The following MEST variants were observed in gnomAD, a reference collection of about 807,000 sequenced individuals.
MEST encodes the protein mesoderm specific transcript.
In MEST, 18 loss-of-function variants were observed where a neutral mutation model predicts 50.9. That is an observed-to-expected ratio of 0.35 (90% confidence interval 0.24 to 0.52). MEST has a LOEUF of 0.52. MEST is among the 20% of genes least tolerant of loss of function. The pLI, the probability that MEST is intolerant of heterozygous loss-of-function variation, is 0.94. For missense variants in MEST, 282 were observed against 425.3 expected, an observed-to-expected ratio of 0.66 and a Z score of 2.96; for synonymous variants, 130 against 154.1, an observed-to-expected ratio of 0.84 and a Z score of 1.16.
In MEST at chr7:130,502,694, G is replaced by A. The variant is rs782297066; in HGVS notation, c.800G>A (p.Gly267Glu). The A allele has an allele frequency of 6.8e-6, 11 of 1,613,796 alleles. No individual in the cohort carries two copies. The highest frequency in any genetic ancestry group is 9.3e-6 in the Non-Finnish European group (11 of 1,179,796). ...AAGAAGTTCAGAAGGCGCTGGGTGG[G>A]AGCTCTTGCCTCTGTAACTATCCCC... The part of the protein sequence containing the change: ...QRKKFRRRWV[G>E]ALASVTIPIH... The change falls in exon 10 of 12, where the codon GGA becomes GAA. Residue 267 changes from glycine (G) to glutamate (E), a missense_variant. Coordinates refer to ENST00000223215, the MANE Select transcript of MEST (RefSeq NM_002402.4).
chr7:130,496,205 A>G (rs1554436931), intron 2 of MEST: 3 of 457,410 alleles, frequency 6.6e-6, no homozygotes, highest in South Asian at 3.2e-5. Flanking sequence ...GCTATATTCA[A>G]TTAAGTAAGT....
intron 6 of MEST, chr7:130,498,940 CCTTA>C (rs1482584286): frequency 1.2e-5 from 2 of 160,458 alleles, no homozygotes; most frequent in African/African-American, 4.8e-5. Context: ...TGTAGAAAAT[CCTTA>C]CTTAATGTCA....
chr7:130,494,020 T>C (rs1015966303), intron 1 of MEST, among the ~76,000 whole-genome samples: 1 of 152,122 alleles, frequency 6.6e-6, no homozygotes, highest in East Asian at 1.9e-4. Flanking sequence ...ACAGGTACTT[T>C]GGAGAAAAAA....
intron 6 of MEST, chr7:130,498,711 C>T (rs1185222621): frequency 3.4e-6 from 2 of 588,284 alleles, no homozygotes; most frequent in Admixed American, 6.1e-5. Context: ...AGTGACTTTA[C>T]TTACATAGTC....
intron 6 of MEST, among the ~76,000 whole-genome samples, chr7:130,499,007 A>AT (rs760382224): frequency 6.6e-5 from 10 of 152,132 alleles, no homozygotes; most frequent in East Asian, 1.9e-4. Context: ...AATGGAACCA[A>AT]TTTTTTTTCT....
At position 130,497,972 on chromosome 7, in the gene MEST, A is replaced by G; in HGVS notation, c.298A>G (p.Ile100Val). 1 of 1,614,176 alleles carries G rather than the reference A, an allele frequency of 6.2e-7. No homozygotes were observed. Among genetic ancestry groups the G allele is most frequent in the Non-Finnish European group, 8.5e-7 (1 of 1,180,040 alleles). ...EGLTLRFHRV[I>V]ALDFLGFGFS... Reference sequence around the variant, plus strand: ...TCTGACCTTGAGGTTTCATCGGGTGATTGCCCTTGATTTCTTAGGCTTTGG... The same window carrying G: ...TCTGACCTTGAGGTTTCATCGGGTGGTTGCCCTTGATTTCTTAGGCTTTGG... The change falls in exon 4 of 12, where the codon ATT (isoleucine) becomes GTT (valine). Residue 100 changes from isoleucine (I) to valine (V), a missense_variant. By Grantham distance (29) the Ile-to-Val change is conservative. Transcript: ENST00000223215. The surrounding 1 kb of genome is among the most constrained non-coding windows in gnomAD (Gnocchi z 4.0).
chr7:130,497,000 C>G, intron 2 of MEST, 156 bp from the exon 3 acceptor site: 2 of 539,390 alleles, frequency 3.7e-6, no homozygotes, highest in South Asian at 2.6e-5. Context: ...TCTCACCTAA[C>G]GCAGTTAAGC....
At position 130,506,214 on chromosome 7, in the gene MEST, ATTAGCAAC is replaced by A. The variant is rs782701024; in HGVS notation, c.*1161_*1168del. The A allele has an allele frequency of 1.3e-5, 2 of 152,442 alleles. No individual in the cohort carries two copies. The highest frequency in any genetic ancestry group is 2.4e-5 in the African/African-American group (1 of 41,402). The allele number at this position is 152,442 out of a possible 1,614,324, so 9.4% of individuals were successfully genotyped here. ...GATTATTTAAAATTCGTTTTTTTAAATTAGCAACTTCAAGTATAACAACTTTGAAACTG... is the reference window on the plus strand; with the variant it reads ...GATTATTTAAAATTCGTTTTTTTAAATTCAAGTATAACAACTTTGAAACTG... On this transcript the variant is annotated 3_prime_UTR_variant, in exon 12 of 12. Transcript: ENST00000223215.
rs1486609360 is a variant in MEST, at chr7:130,505,893, A to G, written c.*837A>G. ...AGCAAATAACAGTCTGAGACTCCTC[A>G]TACCTCAGTGGTTAGAAGCATGTCT... On this transcript the variant is annotated 3_prime_UTR_variant, in exon 12 of 12. Coordinates refer to ENST00000223215, the MANE Select transcript of MEST (RefSeq NM_002402.4). The G allele has an allele frequency of 1.3e-5, 2 of 152,286 alleles. No individual in the cohort carries two copies. The highest frequency in any genetic ancestry group is 2.9e-5 in the Non-Finnish European group (2 of 68,040). 9.4% of individuals were successfully genotyped at this position (152,286 alleles called of 1,614,324 possible).
rs1472119948 is a variant in MEST, at chr7:130,500,343, C to G, written c.577-119C>G. On this transcript the variant is annotated intron_variant, in intron 7 of 11. Coordinates refer to ENST00000223215, the MANE Select transcript of MEST (RefSeq NM_002402.4). This position sits in a 1 kb window ranked among gnomAD's most constrained non-coding sequence, Gnocchi z 5.0. The stretch of plus-strand genomic sequence containing the variant: ...GGTAGGCAAAACAAAATGCCAAGTA[C>G]CAAACCATTCAGTAGCAGGAGATTT... 7 of 843,370 alleles carry G rather than the reference C, an allele frequency of 8.3e-6. No homozygotes were observed. Among genetic ancestry groups the G allele is most frequent in the African/African-American group, 3.4e-5 (2 of 58,224 alleles). 52.2% of individuals were successfully genotyped at this position (843,370 alleles called of 1,614,324 possible).
At position 130,497,961 on chromosome 7, in the gene MEST, T is replaced by C; in HGVS notation, c.287T>C (p.Phe96Ser). 6.2e-7 allele frequency: 1 copy of C among 1,614,230 alleles called. No homozygotes were observed. The highest frequency in any genetic ancestry group is 8.5e-7 in the Non-Finnish European group (1 of 1,180,040). ...YKIWEGLTLR[F>S]HRVIALDFLG... is the part of the protein sequence containing the mutation. ...ATTTGGGAAGGTCTGACCTTGAGGT[T>C]TCATCGGGTGATTGCCCTTGATTTC... Residue 96 changes from phenylalanine to serine, a missense_variant, in exon 4 of 12, where the codon TTT becomes TCT. Transcript: ENST00000223215. This position sits in a 1 kb window ranked among gnomAD's most constrained non-coding sequence, Gnocchi z 4.0.
At position 130,500,796 on chromosome 7, in the gene MEST, C is replaced by G. The variant is rs781888139; in HGVS notation, c.655C>G (p.Pro219Ala). 7.5e-6 allele frequency: 12 copies of G among 1,610,566 alleles called. No individual in the cohort carries two copies. Among genetic ancestry groups the G allele is most frequent in the Middle Eastern group, 3.3e-4 (2 of 6,036 alleles). The change falls in exon 9 of 12, where the codon CCA becomes GCA. Residue 219 changes from proline (P) to alanine (A), a missense_variant. Coordinates refer to ENST00000223215, the MANE Select transcript of MEST (RefSeq NM_002402.4). The surrounding 1 kb of genome is among the most constrained non-coding windows in gnomAD (Gnocchi z 5.0). ...NFFVFSRGLT[P>A]VFGPYTRPSE... Reference sequence around the variant, plus strand: ...CGTTTTGGACTCTTTCAGTCTCACCCCAGTCTTTGGGCCGTATACTCGGCC... The same window carrying G: ...CGTTTTGGACTCTTTCAGTCTCACCGCAGTCTTTGGGCCGTATACTCGGCC...
intron 10 of MEST, 112 bp from the exon 11 acceptor site, chr7:130,503,821 T>C (rs989742675): frequency 7.5e-6 from 6 of 798,706 alleles, no homozygotes; most frequent in East Asian, 5.3e-5. Context: ...TTGCCTATTA[T>C]AATAAAAAAA....
intron 6 of MEST, among the ~76,000 whole-genome samples, chr7:130,499,509 T>C (rs1799197508): frequency 6.6e-6 from 1 of 152,236 alleles, no homozygotes; most frequent in Non-Finnish European, 1.5e-5. Flanking sequence ...TTCTCCCCGT[T>C]TCACTATCTT....
At position 130,497,003 on chromosome 7, in the gene MEST, A is replaced by G; in HGVS notation, c.182-153A>G. ...GAAAAGGCCTGTTCTCACCTAACGC[A>G]GTTAAGCTTACATTTTACAAATAAT... On this transcript the variant is annotated intron_variant, in intron 2 of 11. Transcript: ENST00000223215. The surrounding 1 kb of genome is among the most constrained non-coding windows in gnomAD (Gnocchi z 4.0). 1.8e-6 allele frequency: 1 copy of G among 556,706 alleles called. No homozygotes were observed. The highest frequency in any genetic ancestry group is 3.2e-6 in the Non-Finnish European group (1 of 311,466). 34.5% of individuals were successfully genotyped at this position (556,706 alleles called of 1,614,324 possible). A position where few individuals can be genotyped will look rare whatever the true frequency, so the allele number is the denominator to read the frequency against.
chr7:130,496,021 A>C (rs1399654401), intron 2 of MEST: 1 of 451,132 alleles, frequency 2.2e-6, no homozygotes, highest in Non-Finnish European at 4.5e-6. Context: ...TTCAGCCTTC[A>C]TTGTTTAATC....
Position 130,500,789 on chromosome 7 carries a change from T to G in MEST, c.648T>G (p.Gly216=). Residue 216 remains glycine (G), a splice_region_variant and synonymous_variant, in exon 9 of 12, where the codon GGT becomes GGG. Coordinates refer to ENST00000223215, the MANE Select transcript of MEST (RefSeq NM_002402.4). This position sits in a 1 kb window ranked among gnomAD's most constrained non-coding sequence, Gnocchi z 5.0. ...RLMNFFVFSR[G]LTPVFGPYTR... is the part of the protein sequence containing the mutation. ...CTTCCTGCGTTTTGGACTCTTTCAG[T>G]CTCACCCCAGTCTTTGGGCCGTATA... 1.9e-6 allele frequency: 3 copies of G among 1,608,894 alleles called. No individual in the cohort carries two copies. The highest frequency in any genetic ancestry group is 2.5e-6 in the Non-Finnish European group (3 of 1,178,296).
At chr7:130,499,120 TAACTG>T (rs1554437945) in intron 6 of MEST, among the ~76,000 whole-genome samples, 1 of 152,194 alleles carries the variant, frequency 6.6e-6, no homozygotes, top group African/African-American at 2.4e-5. Flanking sequence ...AGTGAGGACT[TAACTG>T]TATGAGATTC....
rs1799218417 is a variant in MEST, at chr7:130,500,072, A to G, written c.576+157A>G. On this transcript the variant is annotated intron_variant, in intron 7 of 11. Transcript: ENST00000223215. This position sits in a 1 kb window ranked among gnomAD's most constrained non-coding sequence, Gnocchi z 5.0. ...AAGTTACTTTTTCCCTTCTTAGGCA[A>G]CTAAAGCAGAGGCAGTGGCCCCTAC... 3.0e-6 allele frequency: 2 copies of G among 662,032 alleles called. No homozygotes were observed. The highest frequency in any genetic ancestry group is 5.6e-5 in the East Asian group (2 of 35,570). 41.0% of individuals were successfully genotyped at this position (662,032 alleles called of 1,614,324 possible).
Sources: allele counts gnomAD v4.1 joint callset (sites outside exome capture counted in the v4.1 genomes callset), GRCh38; gene constraint gnomAD v4.1.1; non-coding constraint Gnocchi (gnomAD v3.1); transcripts MANE v1.5; gene names NCBI Gene and HGNC (gene_info 2026-07-23, HGNC 2026-07-21).